Variants in PAK2 observed in about 807,000 individuals in gnomAD.
The protein encoded by PAK2 is p21 (RAC1) activated kinase 2.
PAK2 carries 21 observed loss-of-function variants against 65.9 expected under a neutral mutation model. That is an observed-to-expected ratio of 0.32 (90% CI 0.23 to 0.46). The LOEUF (loss-of-function observed/expected upper bound fraction) is 0.46, where lower values mean the gene tolerates loss of function less well. PAK2 is among the 20% of genes least tolerant of loss of function. PAK2 has a pLI of 1.00. For synonymous variants in PAK2, 204 were observed against 219.7 expected, an observed-to-expected ratio of 0.93 and a Z score of 0.63; for missense variants, 324 against 642.6, an observed-to-expected ratio of 0.50 and a Z score of 5.36.
At chr3:196,809,367 T>TTTTG (rs1715698999) in intron 7 of PAK2, among the ~76,000 whole-genome samples, 1 of 137,468 alleles carries the variant, frequency 7.3e-6, no homozygotes, top group East Asian at 2.1e-4. Flanking sequence ...TTTTTTTTTT[T>TTTTG]GAGACAGAGT....
intron 13 of PAK2, among the ~76,000 whole-genome samples, chr3:196,823,572 A>AAAC (rs1560119499): frequency 3.3e-5 from 5 of 151,302 alleles, no homozygotes; most frequent in Admixed American, 1.4e-4. Flanking sequence ...AACAAACAAA[A>AAAC]AAAACACCTT....
At chr3:196,794,446 C>G (rs13322500) in intron 2 of PAK2, among the ~76,000 whole-genome samples, 2,424 of 152,318 alleles carry the variant, frequency 0.016, 58 homozygotes, top group African/African-American at 0.055. Flanking sequence ...AATCGGACTT[C>G]CGTATCTGCA....
rs777522543 is a variant in PAK2, at chr3:196,818,040, G to A, written c.1054-17G>A. On this transcript the variant is annotated splice_polypyrimidine_tract_variant and intron_variant, in intron 11 of 14. Transcript: ENST00000327134. ...TTCAGGGACTATTTCATTAATAGGT[G>A]TTTTTCTTCTGTTCAGTGTTTACAG... 1 of 1,074,566 alleles carries A rather than the reference G, an allele frequency of 9.3e-7. No homozygotes were observed. Among genetic ancestry groups the A allele is most frequent in the Admixed American group, 1.7e-5 (1 of 57,954 alleles). 66.6% of individuals were successfully genotyped at this position (1,074,566 alleles called of 1,614,324 possible).
At chr3:196,827,691 A>G (rs548098382) in intron 14 of PAK2, among the ~76,000 whole-genome samples, 2 of 152,304 alleles carry the variant, frequency 1.3e-5, no homozygotes, top group African/African-American at 4.8e-5. Flanking sequence ...AACATGGCAC[A>G]TGTGTACATA....
intron 2 of PAK2, among the ~76,000 whole-genome samples, chr3:196,786,597 T>C (rs1438362901): frequency 6.6e-6 from 1 of 152,212 alleles, no homozygotes; most frequent in African/African-American, 2.4e-5. Context: ...AGCTGGATTT[T>C]ATTTTTGTAT....
chr3:196,829,102 G>T lies in PAK2; in HGVS notation c.*697G>T, dbSNP rs1302873367. 11 of 152,642 alleles carry T rather than the reference G, an allele frequency of 7.2e-5. No homozygotes were observed. Among genetic ancestry groups the T allele is most frequent in the Admixed American group, 5.2e-4 (8 of 15,264 alleles). The allele number at this position is 152,642 out of a possible 1,614,324, so 9.5% of individuals were successfully genotyped here. A position where few individuals can be genotyped will look rare whatever the true frequency, so the allele number is the denominator to read the frequency against. ...GTAGTAAGTTCGGCATTTGTTACAT[G>T]TATAGAGAGAAGACTAATAATCTCT... On this transcript the variant is annotated 3_prime_UTR_variant, in exon 15 of 15. Coordinates refer to ENST00000327134, the MANE Select transcript of PAK2 (RefSeq NM_002577.4).
At chr3:196,768,914 C>T (rs980541302) in intron 1 of PAK2, among the ~76,000 whole-genome samples, 8 of 151,836 alleles carry the variant, frequency 5.3e-5, no homozygotes, top group South Asian at 2.1e-4. Context: ...TGATCCACCG[C>T]GCCCAGCCCC....
chr3:196,763,435 G>A (rs7642801), intron 1 of PAK2, among the ~76,000 whole-genome samples: 2 of 151,710 alleles, frequency 1.3e-5, no homozygotes, highest in Admixed American at 1.3e-4. Flanking sequence ...GCCCTATATC[G>A]ACAAAGCTTA....
intron 1 of PAK2, among the ~76,000 whole-genome samples, chr3:196,750,162 A>AT (rs1431099276): frequency 3.3e-5 from 5 of 150,616 alleles, no homozygotes; most frequent in Non-Finnish European, 5.9e-5. Context: ...AATTTTTTGT[A>AT]TTTTTTTTGT....
chr3:196,756,289 A>G (rs1713767354), intron 1 of PAK2, among the ~76,000 whole-genome samples: 3 of 152,186 alleles, frequency 2.0e-5, no homozygotes, highest in South Asian at 2.1e-4. Flanking sequence ...TCCTCTGTAT[A>G]TAGATACCTT....
chr3:196,812,172 T>C, intron 8 of PAK2, 47 bp from the exon 9 acceptor site: 1 of 1,017,622 alleles, frequency 9.8e-7, no homozygotes, highest in South Asian at 1.3e-5. Context: ...TTGCAAATGC[T>C]AGTGATTTAT....
chr3:196,781,571 G>A (rs777456188), intron 1 of PAK2, among the ~76,000 whole-genome samples: 1 of 152,168 alleles, frequency 6.6e-6, no homozygotes, highest in Admixed American at 6.5e-5. Flanking sequence ...ATCCAGATTC[G>A]TCAAGCTCCT....
chr3:196,747,006 CT>C (rs796572919), intron 1 of PAK2, among the ~76,000 whole-genome samples: 7 of 150,934 alleles, frequency 4.6e-5, no homozygotes, highest in Admixed American at 3.3e-4. Flanking sequence ...TATTCATTTC[CT>C]TTTTTTTATT....
At chr3:196,758,545 A>G (rs11927118) in intron 1 of PAK2, among the ~76,000 whole-genome samples, 10,455 of 152,344 alleles carry the variant, frequency 0.069, 532 homozygotes, top group African/African-American at 0.15. Flanking sequence ...AGATGAGTCT[A>G]GAAAGTTAGA....
At chr3:196,756,636 G>C (rs1439810712) in intron 1 of PAK2, among the ~76,000 whole-genome samples, 1 of 152,188 alleles carries the variant, frequency 6.6e-6, no homozygotes, top group Non-Finnish European at 1.5e-5. Context: ...AGGAGTTCAA[G>C]ACCAGCCTGC....
chr3:196,767,344 T>C (rs919264680), intron 1 of PAK2, among the ~76,000 whole-genome samples: 2 of 152,290 alleles, frequency 1.3e-5, no homozygotes, highest in Non-Finnish European at 2.9e-5. Flanking sequence ...AAACACTGTG[T>C]TATATTGCTT....
intron 13 of PAK2, among the ~76,000 whole-genome samples, chr3:196,821,647 C>T (rs1711656331): frequency 6.6e-6 from 1 of 152,164 alleles, no homozygotes; most frequent in Admixed American, 6.5e-5. Context: ...CATGCCATCG[C>T]ACTCCAGCCT....
At chr3:196,797,224 T>C (rs6801306) in intron 2 of PAK2, among the ~76,000 whole-genome samples, 125,401 of 152,114 alleles carry the variant, frequency 0.82, 51,929 homozygotes, top group African/African-American at 0.88. Flanking sequence ...CAGCACTTTG[T>C]GAGGCTGAGG....
At chr3:196,798,500 C>T (rs1180793313) in intron 2 of PAK2, among the ~76,000 whole-genome samples, 4 of 151,952 alleles carry the variant, frequency 2.6e-5, no homozygotes, top group Admixed American at 6.6e-5. Context: ...TGCATCACCA[C>T]GCCCGGCTAA....
Sources: gnomAD v4.1 joint callset for allele counts (sites outside exome capture counted in the v4.1 genomes callset) on GRCh38, gnomAD v4.1.1 for gene constraint, MANE v1.5 for transcripts, NCBI Gene and HGNC (gene_info 2026-07-23, HGNC 2026-07-21) for gene names.